The following CARMIL1 variants were observed in gnomAD, a reference collection of about 807,000 sequenced individuals.
CARMIL1 encodes the protein capping protein regulator and myosin 1 linker 1, also known as F-actin-uncapping protein LRRC16A.
CARMIL1 carries 90 observed loss-of-function variants against 177.1 expected under a neutral mutation model. The ratio of observed to expected loss-of-function variants is 0.51; its 90% CI spans 0.43 to 0.61. The LOEUF (loss-of-function observed/expected upper bound fraction) is 0.61, where lower values mean the gene tolerates loss of function less well. CARMIL1 is among the 20% of genes least tolerant of loss of function. The probability of loss-of-function intolerance (pLI) is 0.00; values close to 1 mark genes in which losing one functional copy is unlikely to be tolerated. For missense variants in CARMIL1, 1,380 were observed against 1,667.0 expected (o/e 0.83, Z 3.00); for synonymous variants, 577 against 606.2 (o/e 0.95, Z 0.71).
At chr6:25,316,621 AG>A (rs1784297729) in intron 2 of CARMIL1, among the ~76,000 whole-genome samples, 1 of 152,100 alleles carries the variant, frequency 6.6e-6, no homozygotes, top group South Asian at 2.1e-4. Flanking sequence ...CATGTTGGTC[AG>A]GCTGGTCTTG....
At chr6:25,551,302 C>T (rs1029716352) in intron 27 of CARMIL1, among the ~76,000 whole-genome samples, 1 of 152,122 alleles carries the variant, frequency 6.6e-6, no homozygotes, top group Non-Finnish European at 1.5e-5. Flanking sequence ...TACTTAAGGA[C>T]ATAGAATTAT....
At chr6:25,532,227 A>T (rs558538364) in intron 24 of CARMIL1, among the ~76,000 whole-genome samples, 63 of 151,190 alleles carry the variant, frequency 4.2e-4, no homozygotes, top group African/African-American at 1.5e-3. Flanking sequence ...GCCTGTCTTT[A>T]CTTAATACAA....
At chr6:25,477,097 A>C (rs1467733578) in intron 11 of CARMIL1, among the ~76,000 whole-genome samples, 7 of 151,634 alleles carry the variant, frequency 4.6e-5, no homozygotes, top group East Asian at 1.9e-4. Flanking sequence ...CAAAAAAAAA[A>C]AAAAACAAAA....
chr6:25,606,351 G>GT, intron 35 of CARMIL1, 78 bp downstream of exon 35: 1 of 1,364,636 alleles, frequency 7.3e-7, no homozygotes, highest in Non-Finnish European at 1.0e-6. Context: ...TCTGCAGGTG[G>GT]TTTCAGGGGC....
At chr6:25,345,144 C>G (rs1787371376) in intron 2 of CARMIL1, among the ~76,000 whole-genome samples, 1 of 152,142 alleles carries the variant, frequency 6.6e-6, no homozygotes, top group Non-Finnish European at 1.5e-5. Context: ...CATTTCCTTG[C>G]CGAAGCCCAT....
rs74912105 is a variant in CARMIL1 at position 25,583,336 on chromosome 6, A to G, written c.3006+1897A>G. Among the ~76,000 whole-genome samples the G allele has an allele frequency of 5.4e-3, 825 of 152,282 alleles. 2 individuals carry two copies. The highest frequency in any genetic ancestry group is 7.3e-3 in the Non-Finnish European group (495 of 68,022). On this transcript the variant is annotated intron_variant, in intron 31 of 36. Coordinates refer to ENST00000329474, the MANE Select transcript of CARMIL1 (RefSeq NM_017640.6). ...GTTGTGCACAGTGCACAGCCTGAGC[A>G]ACTCTCCATGGAGGCCCCACCTCCT...
intron 24 of CARMIL1, among the ~76,000 whole-genome samples, chr6:25,531,921 T>C (rs1165201490): frequency 2.6e-5 from 4 of 151,828 alleles, no homozygotes; most frequent in Non-Finnish European, 4.4e-5. Context: ...TAGTTGCCCA[T>C]CACCACACCC....
chr6:25,310,720 T>C (rs1399291876), intron 2 of CARMIL1, among the ~76,000 whole-genome samples: 1 of 152,206 alleles, frequency 6.6e-6, no homozygotes, highest in Non-Finnish European at 1.5e-5. Context: ...CCTAGAAAGC[T>C]GAAGATCCTT....
At chr6:25,535,287 C>T (rs1452584659) in intron 24 of CARMIL1, among the ~76,000 whole-genome samples, 4 of 151,900 alleles carry the variant, frequency 2.6e-5, no homozygotes, top group Admixed American at 6.6e-5. Context: ...ACTGTGTCAG[C>T]GTAGGCATGG....
At position 25,550,093 on chromosome 6, in the gene CARMIL1, C is replaced by T. The variant is rs13197730; in HGVS notation, c.2329-817C>T. ...CTGACACTGATGCTGATGCCCTTTC[C>T]ACACTTTCCAACCGTATCACCCATC... On this transcript the variant is annotated intron_variant, in intron 26 of 36. Coordinates refer to ENST00000329474, the MANE Select transcript of CARMIL1 (RefSeq NM_017640.6). Among the ~76,000 whole-genome samples, 192 of 152,296 alleles carry T rather than the reference C, an allele frequency of 1.3e-3. 1 individual carries two copies. Among genetic ancestry groups the T allele is most frequent in the Non-Finnish European group, 2.2e-3 (153 of 68,016 alleles).
chr6:25,427,887 T>C (rs1271541415), intron 4 of CARMIL1, among the ~76,000 whole-genome samples: 1 of 152,218 alleles, frequency 6.6e-6, no homozygotes, highest in African/African-American at 2.4e-5. Context: ...CTGTTTGTTT[T>C]CTTATTGAAT....
chr6:25,569,663 T>C (rs1441523588), intron 29 of CARMIL1, among the ~76,000 whole-genome samples: 1 of 152,240 alleles, frequency 6.6e-6, no homozygotes, highest in Non-Finnish European at 1.5e-5. Context: ...ATAAAGCTGA[T>C]ATTCCATGAA....
intron 33 of CARMIL1, among the ~76,000 whole-genome samples, chr6:25,601,535 A>G (rs1298756876): frequency 6.6e-6 from 1 of 152,216 alleles, no homozygotes; most frequent in Admixed American, 6.5e-5. Flanking sequence ...TTTCTAACTT[A>G]TTCCCTTTTC....
At position 25,306,624 on chromosome 6, in the gene CARMIL1, T is replaced by C. The variant is rs1783292607; in HGVS notation, c.138+21715T>C. 2.0e-5 allele frequency among the ~76,000 whole-genome samples: 3 copies of C among 152,214 alleles called. No individual in the cohort carries two copies. The South Asian group carries it at 6.2e-4, about 32-fold the overall frequency. On this transcript the variant is annotated intron_variant, in intron 2 of 36. Transcript: ENST00000329474. ...TGTTGTAGCATGTGCTAGAAGTTCA[T>C]TCCTTTTTAATGCTGAATAATATTC... is the stretch of plus-strand genomic sequence containing the variant.
chr6:25,484,221 G>T (rs2150977201), intron 12 of CARMIL1, among the ~76,000 whole-genome samples: 1 of 152,266 alleles, frequency 6.6e-6, no homozygotes, highest in East Asian at 1.9e-4. Context: ...TACATTTCTG[G>T]ACAATAAGGG....
intron 3 of CARMIL1, among the ~76,000 whole-genome samples, chr6:25,423,782 A>T (rs945309460): frequency 6.6e-6 from 1 of 152,180 alleles, no homozygotes; most frequent in African/African-American, 2.4e-5. Flanking sequence ...TTTTCCTCTT[A>T]TCTAATAATT....
At chr6:25,461,307 T>A (rs980281510) in intron 8 of CARMIL1, among the ~76,000 whole-genome samples, 1 of 152,236 alleles carries the variant, frequency 6.6e-6, no homozygotes, top group Admixed American at 6.5e-5. Context: ...TCATGCCTCC[T>A]AAGTGTAGCT....
chr6:25,515,573 G>T lies in CARMIL1; in HGVS notation c.1633-102G>T, dbSNP rs765097461. On this transcript the variant is annotated intron_variant, in intron 20 of 36. Coordinates refer to ENST00000329474, the MANE Select transcript of CARMIL1 (RefSeq NM_017640.6). This position sits in a 1 kb window ranked among gnomAD's most constrained non-coding sequence, Gnocchi z 5.0. ...AGGTAGTAGTTCTAAAATCAGACACGTGCAGTAGGTCCATCCCCTCTCATT... is the reference window on the plus strand; with the variant it reads ...AGGTAGTAGTTCTAAAATCAGACACTTGCAGTAGGTCCATCCCCTCTCATT... The T allele has an allele frequency of 1.4e-5, 15 of 1,072,504 alleles. No homozygotes were observed. The highest frequency in any genetic ancestry group is 2.0e-5 in the Non-Finnish European group (15 of 762,920). 66.4% of individuals were successfully genotyped at this position (1,072,504 alleles called of 1,614,324 possible). A position where few individuals can be genotyped will look rare whatever the true frequency, so the allele number is the denominator to read the frequency against.
chr6:25,294,115 T>C (rs1782207013), intron 2 of CARMIL1, among the ~76,000 whole-genome samples: 1 of 152,062 alleles, frequency 6.6e-6, no homozygotes, highest in African/African-American at 2.4e-5. Context: ...GCACAGGACG[T>C]CCTCTTAGAG....
Sources: allele counts gnomAD v4.1 joint callset (sites outside exome capture counted in the v4.1 genomes callset), GRCh38; gene constraint gnomAD v4.1.1; non-coding constraint Gnocchi (gnomAD v3.1); transcripts MANE v1.5; gene names NCBI Gene and HGNC (gene_info 2026-07-23, HGNC 2026-07-21).